Variants in CFHR2 observed in about 807,000 individuals in gnomAD.
The protein encoded by CFHR2 is complement factor H related 2.
A neutral mutation model predicts 21.7 loss-of-function variants in CFHR2; 22 were observed. That is an observed-to-expected ratio of 1.01 (90% confidence interval 0.72 to 1.45). The LOEUF is 1.45. CFHR2 is among the 40% of genes most tolerant of loss of function. The pLI is 0.00. For missense variants in CFHR2, 294 were observed against 293.3 expected (o/e 1.00, Z -0.02); for synonymous variants, 98 against 97.4 (o/e 1.01, Z -0.04).
chr1:196,949,449 T>C lies in CFHR2; in HGVS notation c.59-6T>C. On this transcript the variant is annotated splice_polypyrimidine_tract_variant and splice_region_variant and intron_variant, in intron 1 of 4. Transcript: ENST00000367415. Reference sequence around the variant, plus strand: ...GTAATTCTTCAGTTTTGTGTTATTTTCCCAGCAATGTTCTGTGATTTTCCA... The same window carrying C: ...GTAATTCTTCAGTTTTGTGTTATTTCCCCAGCAATGTTCTGTGATTTTCCA... The C allele has an allele frequency of 6.2e-7, 1 of 1,608,118 alleles. No individual in the cohort carries two copies. The highest frequency in any genetic ancestry group is 8.5e-7 in the Non-Finnish European group (1 of 1,176,018).
Position 196,958,029 on chromosome 1 carries a change from T to C in CFHR2, c.569T>C (p.Ile190Thr). Residue 190 changes from isoleucine (I) to threonine (T), a missense_variant, in exon 4 of 5, where the codon ATA (isoleucine) becomes ACA (threonine). By Grantham distance (89) the Ile-to-Thr change is moderately conservative (BLOSUM62 -1). Coordinates refer to ENST00000367415, the MANE Select transcript of CFHR2 (RefSeq NM_005666.4). ...NLYQLEGNNQ[I>T]TCRNGQWSEP... Reference sequence around the variant, plus strand: ...TATCAACTTGAGGGTAACAATCAAATAACATGTAGAAACGGACAATGGTCA... The same window carrying C: ...TATCAACTTGAGGGTAACAATCAAACAACATGTAGAAACGGACAATGGTCA... 1.2e-6 allele frequency: 2 copies of C among 1,613,708 alleles called. No homozygotes were observed. The highest frequency in any genetic ancestry group is 1.7e-4 in the Middle Eastern group (1 of 6,056).
intron 2 of CFHR2, among the ~76,000 whole-genome samples, chr1:196,950,508 C>G (rs1168832343): frequency 1.3e-5 from 2 of 152,134 alleles, no homozygotes; most frequent in Non-Finnish European, 2.9e-5. Flanking sequence ...GAGTCTCATT[C>G]TGTCACCCAG....
At chr1:196,946,841 T>C (rs1359379848) in intron 1 of CFHR2, among the ~76,000 whole-genome samples, 1 of 152,168 alleles carries the variant, frequency 6.6e-6, no homozygotes, top group Non-Finnish European at 1.5e-5. Context: ...TTATACTATA[T>C]GAAATACATT....
At chr1:196,949,324 G>A in intron 1 of CFHR2, 131 bp from the exon 2 acceptor site, 1 of 838,984 alleles carries the variant, frequency 1.2e-6, no homozygotes, top group Non-Finnish European at 1.8e-6. Context: ...TTTGGACACT[G>A]GAGAGCATTT....
At chr1:196,946,764 C>T (rs1335346917) in intron 1 of CFHR2, among the ~76,000 whole-genome samples, 1 of 152,180 alleles carries the variant, frequency 6.6e-6, no homozygotes, top group Non-Finnish European at 1.5e-5. Context: ...CCTCAGGAAA[C>T]ATTAACCGTT....
At chr1:196,947,355 T>A (rs1659543637) in intron 1 of CFHR2, among the ~76,000 whole-genome samples, 1 of 152,146 alleles carries the variant, frequency 6.6e-6, no homozygotes, top group South Asian at 2.1e-4. Flanking sequence ...ACAATATAAC[T>A]GGGTGATGAA....
chr1:196,952,447 C>T (rs1388047970), intron 3 of CFHR2, among the ~76,000 whole-genome samples: 1 of 152,028 alleles, frequency 6.6e-6, no homozygotes, highest in African/African-American at 2.4e-5. Flanking sequence ...CAGAAAATTG[C>T]AGTGATTGAA....
chr1:196,959,009 A>G lies in CFHR2; in HGVS notation c.742A>G (p.Thr248Ala). 1 of 1,612,692 alleles carries G rather than the reference A, an allele frequency of 6.2e-7. No individual in the cohort carries two copies. The highest frequency in any genetic ancestry group is 8.5e-7 in the Non-Finnish European group (1 of 1,179,140). ...TGTTTGTAAATCTGGATATCATCCA[A>G]CAAAATCTCATTCATTTCGAGCAAT... is the stretch of plus-strand genomic sequence containing the variant. ...EFVCKSGYHPTKSHSFRAMCQ... is the reference protein window; with the variant it reads ...EFVCKSGYHPAKSHSFRAMCQ... Residue 248 changes from threonine to alanine, a missense_variant, in exon 5 of 5, where the codon ACA (threonine) becomes GCA (alanine). Physicochemically the swap from Thr to Ala is moderately conservative, Grantham distance 58 (BLOSUM62 0). Transcript: ENST00000367415.
At chr1:196,952,733 A>T (rs1001935820) in intron 3 of CFHR2, among the ~76,000 whole-genome samples, 1 of 152,228 alleles carries the variant, frequency 6.6e-6, no homozygotes, top group Admixed American at 6.5e-5. Flanking sequence ...GAGAACTAGA[A>T]TCAACCATAC....
At chr1:196,953,605 T>C (rs1278369713) in intron 3 of CFHR2, among the ~76,000 whole-genome samples, 1 of 152,200 alleles carries the variant, frequency 6.6e-6, no homozygotes, top group African/African-American at 2.4e-5. Context: ...TTCAATGGCA[T>C]TTTGTTTTTA....
chr1:196,944,596 G>T (rs1368581782), intron 1 of CFHR2, among the ~76,000 whole-genome samples: 2 of 151,808 alleles, frequency 1.3e-5, no homozygotes, highest in African/African-American at 4.9e-5. Context: ...TGAAATTAAG[G>T]CCACCATATC....
chr1:196,949,232 A>G (rs1267785896), intron 1 of CFHR2, among the ~76,000 whole-genome samples: 1 of 152,224 alleles, frequency 6.6e-6, no homozygotes, highest in Non-Finnish European at 1.5e-5. Flanking sequence ...ATATCACTCC[A>G]AAATATAGAT....
rs751206251 is a variant in CFHR2 at position 196,950,944 on chromosome 1, A to G, written c.346A>G (p.Thr116Ala). The stretch of plus-strand genomic sequence containing the variant: ...TGATACTGTACAAATTATTTGCAAC[A>G]CAGGATACAGACTTCAAAACAATGA... ...EGDTVQIICN[T>A]GYRLQNNENN... Residue 116 changes from threonine to alanine, a missense_variant, in exon 3 of 5, where the codon ACA (threonine) becomes GCA (alanine). By Grantham distance (58) the Thr-to-Ala change is moderately conservative (BLOSUM62 0). Transcript: ENST00000367415. 6.2e-7 allele frequency: 1 copy of G among 1,614,156 alleles called. No individual in the cohort carries two copies. Among genetic ancestry groups the G allele is most frequent in the Non-Finnish European group, 8.5e-7 (1 of 1,180,004 alleles).
intron 3 of CFHR2, among the ~76,000 whole-genome samples, chr1:196,956,225 A>T (rs1018008577): frequency 5.3e-5 from 8 of 152,214 alleles, no homozygotes; most frequent in African/African-American, 1.9e-4. Flanking sequence ...TGCAAAACAG[A>T]GCAATCTCAA....
intron 3 of CFHR2, among the ~76,000 whole-genome samples, chr1:196,953,535 G>T (rs1467152745): frequency 3.3e-5 from 5 of 152,018 alleles, no homozygotes; most frequent in Non-Finnish European, 1.5e-5. Flanking sequence ...CACCAACCTT[G>T]GTATCCCAAA....
intron 3 of CFHR2, among the ~76,000 whole-genome samples, chr1:196,956,917 G>A (rs1652906031): frequency 6.6e-6 from 1 of 152,082 alleles, no homozygotes; most frequent in Admixed American, 6.5e-5. Context: ...ATAAGCCCAG[G>A]TTTCCCATTT....
At chr1:196,951,545 T>A (rs1311022889) in intron 3 of CFHR2, among the ~76,000 whole-genome samples, 1 of 152,162 alleles carries the variant, frequency 6.6e-6, no homozygotes, top group Non-Finnish European at 1.5e-5. Flanking sequence ...TGGAAACCTG[T>A]GGTATAAATG....
In CFHR2 at chr1:196,950,920, G is replaced by A. The variant is rs566072611; in HGVS notation, c.322G>A (p.Asp108Asn). The change falls in exon 3 of 5, where the codon GAT (aspartate) becomes AAT (asparagine). Residue 108 changes from aspartate to asparagine, a missense_variant. Coordinates refer to ENST00000367415, the MANE Select transcript of CFHR2 (RefSeq NM_005666.4). Reference sequence around the variant, plus strand: ...TTCAGGACAAACACATCTGGAAGGTGATACTGTACAAATTATTTGCAACAC... The same window carrying A: ...TTCAGGACAAACACATCTGGAAGGTAATACTGTACAAATTATTTGCAACAC... Reference protein sequence around the residue: ...ESSGQTHLEGDTVQIICNTGY... With the variant: ...ESSGQTHLEGNTVQIICNTGY... The A allele has an allele frequency of 6.2e-7, 1 of 1,614,010 alleles. No homozygotes were observed. The highest frequency in any genetic ancestry group is 1.3e-5 in the African/African-American group (1 of 75,010).
intron 1 of CFHR2, among the ~76,000 whole-genome samples, chr1:196,946,358 A>G (rs1659484051): frequency 6.6e-6 from 1 of 152,150 alleles, no homozygotes; most frequent in Non-Finnish European, 1.5e-5. Context: ...CCCAGGATAG[A>G]CTAAATTTAT....
Sources: gnomAD v4.1 joint callset for allele counts (sites outside exome capture counted in the v4.1 genomes callset) on GRCh38, gnomAD v4.1.1 for gene constraint, MANE v1.5 for transcripts, NCBI Gene and HGNC (gene_info 2026-07-23, HGNC 2026-07-21) for gene names.